ZNF662: variants seen among roughly 807,000 people sequenced by gnomAD.
The protein encoded by ZNF662 is zinc finger protein 662.
Under a neutral mutation model 12.4 loss-of-function variants are expected in ZNF662, and 14 were observed. The ratio of observed to expected loss-of-function variants is 1.13; its 90% confidence interval spans 0.75 to 1.77. The LOEUF (loss-of-function observed/expected upper bound fraction) is 1.77. Ranked by LOEUF, ZNF662 falls within the 40% of genes most tolerant of loss-of-function variation. The pLI is 0.00. For missense variants in ZNF662, 550 were observed against 515.6 expected (o/e 1.07, Z -0.65); for synonymous variants, 184 against 176.4 (o/e 1.04, Z -0.34).
chr3:42,909,320 G>A (rs932684647), intron 3 of ZNF662, among the ~76,000 whole-genome samples: 1 of 152,136 alleles, frequency 6.6e-6, no homozygotes, highest in East Asian at 1.9e-4. Context: ...ATCTTGCACC[G>A]CCCTTAATCC....
intron 3 of ZNF662, among the ~76,000 whole-genome samples, chr3:42,912,320 ATCTC>A (rs530220692): frequency 3.4e-4 from 38 of 112,336 alleles, no homozygotes; most frequent in East Asian, 3.4e-3. Flanking sequence ...TATATAGTCC[ATCTC>A]TCTATTATAT....
rs2088677028 is a variant in ZNF662, at chr3:42,906,288, G to A, written c.-94+120G>A. ...CTGCCCAGGTGCAGAGCGCTCTTCC[G>A]CGACCCCAACAGCCTCTGGTCCGGT... On this transcript the variant is annotated intron_variant, in intron 1 of 4. Coordinates refer to ENST00000440367, the MANE Select transcript of ZNF662 (RefSeq NM_207404.4). This position sits in a 1 kb window ranked among gnomAD's most constrained non-coding sequence, Gnocchi z 4.4. 5 of 1,478,796 alleles carry A rather than the reference G, an allele frequency of 3.4e-6. No homozygotes were observed. The highest frequency in any genetic ancestry group is 4.5e-6 in the Non-Finnish European group (5 of 1,107,280). 91.6% of individuals were successfully genotyped at this position (1,478,796 alleles called of 1,614,324 possible).
rs762800921 is a variant in ZNF662, at chr3:42,913,304, T to A, written c.253+2T>A. 3.1e-6 allele frequency: 5 copies of A among 1,609,326 alleles called. No homozygotes were observed. The highest frequency in any genetic ancestry group is 1.7e-5 in the Admixed American group (1 of 60,002). On this transcript the variant is annotated splice_donor_variant, in intron 4 of 4. Coordinates refer to ENST00000440367, the MANE Select transcript of ZNF662 (RefSeq NM_207404.4). LOFTEE classifies it high-confidence loss of function. The stretch of plus-strand genomic sequence containing the variant: ...AGGGTCCAAGCCTGATTTGTCCGGG[T>A]AAGTGAGAGGGAAATGAGCATTCTT...
rs113168207 is a variant in ZNF662, at chr3:42,918,224, C to G, written c.*2870C>G. ...CAGGAATTTTTGCTCCTTAGTTCAG[C>G]TAAAATCTGGGTTCTTGTCTCATGA... On this transcript the variant is annotated 3_prime_UTR_variant, in exon 5 of 5. Transcript: ENST00000440367. Among the ~76,000 whole-genome samples the G allele has an allele frequency of 5.9e-5, 9 of 152,080 alleles. No individual in the cohort carries two copies. Among genetic ancestry groups the G allele is most frequent in the Admixed American group, 1.3e-4 (2 of 15,234 alleles).
chr3:42,912,808 C>T (rs1328948073), intron 3 of ZNF662, among the ~76,000 whole-genome samples: 11 of 144,160 alleles, frequency 7.6e-5, no homozygotes, highest in Middle Eastern at 3.5e-3. Context: ...GACACAGTCT[C>T]GGCTCACTGC....
Position 42,918,414 on chromosome 3 carries a change from C to A in ZNF662, c.*3060C>A, listed in dbSNP as rs1039432798. Reference sequence around the variant, plus strand: ...CATGAGCTGAAGAGCCTAGTCTTCTCCCCCTGCATGAATTCCTGGTGGCTA... The same window carrying A: ...CATGAGCTGAAGAGCCTAGTCTTCTACCCCTGCATGAATTCCTGGTGGCTA... On this transcript the variant is annotated 3_prime_UTR_variant, in exon 5 of 5. Coordinates refer to ENST00000440367, the MANE Select transcript of ZNF662 (RefSeq NM_207404.4). Among the ~76,000 whole-genome samples, 7 of 152,212 alleles carry A rather than the reference C, an allele frequency of 4.6e-5. No homozygotes were observed. The highest frequency in any genetic ancestry group is 2.0e-4 in the Admixed American group (3 of 15,256).
chr3:42,909,387 G>C (rs995209513), intron 3 of ZNF662, among the ~76,000 whole-genome samples: 3 of 152,096 alleles, frequency 2.0e-5, no homozygotes, highest in African/African-American at 7.2e-5. Context: ...TGGGGGTAAG[G>C]TTATAGATTA....
rs1022947921 is a variant in ZNF662 at position 42,908,532 on chromosome 3, A to G, written c.35-261A>G. The G allele has an allele frequency of 1.5e-5, 20 of 1,297,210 alleles. No homozygotes were observed. In the African/African-American group the frequency reaches 2.7e-4, roughly 17 times the overall value. The allele number at this position is 1,297,210 out of a possible 1,614,324, so 80.4% of individuals were successfully genotyped here. A position where few individuals can be genotyped will look rare whatever the true frequency, so the allele number is the denominator to read the frequency against. The stretch of plus-strand genomic sequence containing the variant: ...AGCTCTAAGAGGGAGAGGACAGGTA[A>G]GAATTGAGGACTCAATTCCTCAATG... On this transcript the variant is annotated intron_variant, in intron 2 of 4. Coordinates refer to ENST00000440367, the MANE Select transcript of ZNF662 (RefSeq NM_207404.4).
At chr3:42,907,336 C>G (rs2088696992) in intron 1 of ZNF662, among the ~76,000 whole-genome samples, 1 of 152,102 alleles carries the variant, frequency 6.6e-6, no homozygotes, top group Non-Finnish European at 1.5e-5. Flanking sequence ...AGGATCTGCC[C>G]TGTTGAGTAC....
rs774947530 is a variant in ZNF662 at position 42,918,436 on chromosome 3, G to T, written c.*3082G>T. On this transcript the variant is annotated 3_prime_UTR_variant, in exon 5 of 5. Transcript: ENST00000440367. ...TCTCCCCCTGCATGAATTCCTGGTG[G>T]CTACACCCCGTTCTCCCAGTGTGCA... is the stretch of plus-strand genomic sequence containing the variant. Among the ~76,000 whole-genome samples, 15 of 152,120 alleles carry T rather than the reference G, an allele frequency of 9.9e-5. No individual in the cohort carries two copies. Among genetic ancestry groups the T allele is most frequent in the Non-Finnish European group, 2.1e-4 (14 of 68,018 alleles).
At chr3:42,912,521 A>ATATATAAATACATATATTTATATATTT (rs2088817749) in intron 3 of ZNF662, among the ~76,000 whole-genome samples, 3 of 97,728 alleles carry the variant, frequency 3.1e-5, no homozygotes, top group African/African-American at 4.2e-5. Context: ...TGTATATTTA[A>ATATATAAATACATATATTTATATATTT]TATATAAATA....
chr3:42,911,533 G>C (rs905351680), intron 3 of ZNF662, among the ~76,000 whole-genome samples: 2 of 152,146 alleles, frequency 1.3e-5, no homozygotes, highest in Non-Finnish European at 2.9e-5. Context: ...ACTCTCTGAC[G>C]TGCAGCTGAC....
chr3:42,911,099 C>G (rs139548517), intron 3 of ZNF662, among the ~76,000 whole-genome samples: 72 of 152,276 alleles, frequency 4.7e-4, no homozygotes, highest in Non-Finnish European at 8.7e-4. Flanking sequence ...CTTCCTTAGG[C>G]TTTAAACATT....
At position 42,915,245 on chromosome 3, in the gene ZNF662, A is replaced by G. The variant is rs1320046610; in HGVS notation, c.1172A>G (p.Asn391Ser). 6.2e-7 allele frequency: 1 copy of G among 1,613,996 alleles called. No homozygotes were observed. The highest frequency in any genetic ancestry group is 8.5e-7 in the Non-Finnish European group (1 of 1,180,010). The part of the protein sequence containing the change: ...IHTGERPYKC[N>S]DCGKAFSQNS... ...ACTGGGGAAAGACCCTATAAATGTA[A>G]TGACTGTGGGAAGGCCTTCAGTCAG... The change falls in exon 5 of 5, where the codon AAT becomes AGT. Residue 391 changes from asparagine (N) to serine (S), a missense_variant. Physicochemically the swap from Asn to Ser is conservative, Grantham distance 46. Transcript: ENST00000440367.
In ZNF662 at chr3:42,917,738, T is replaced by G. The variant is rs2088909113; in HGVS notation, c.*2384T>G. The G allele has an allele frequency of 3.3e-6, 2 of 597,432 alleles. No homozygotes were observed. The highest frequency in any genetic ancestry group is 4.2e-5 in the South Asian group (2 of 47,660). 37.0% of individuals were successfully genotyped at this position (597,432 alleles called of 1,614,324 possible). On this transcript the variant is annotated 3_prime_UTR_variant, in exon 5 of 5. Coordinates refer to ENST00000440367, the MANE Select transcript of ZNF662 (RefSeq NM_207404.4). ...TCTCATACAGCTCCTCAGTGTCACC[T>G]TTTCCTCTTGCTCAGTAGTCTCATA...
At chr3:42,908,494 G>A (rs112181540) in intron 2 of ZNF662, 1 of 1,240,420 alleles carries the variant, frequency 8.1e-7, no homozygotes, top group Non-Finnish European at 1.0e-6. Flanking sequence ...TCATGAGGAT[G>A]TCTGAACTTG....
Position 42,912,751 on chromosome 3 carries a change from A to T in ZNF662, c.152-450A>T, listed in dbSNP as rs867180256. Among the ~76,000 whole-genome samples, 220 of 31,996 alleles carry T rather than the reference A, an allele frequency of 6.9e-3. 3 individuals are homozygous for T. Among genetic ancestry groups the T allele is most frequent in the African/African-American group, 0.017 (193 of 11,606 alleles). 21.0% of individuals were successfully genotyped at this position (31,996 alleles called of 152,430 possible). ...TATATATATAAATATATATATATAT[A>T]TTTTTTGAGACACAGTCTCACTCTG... On this transcript the variant is annotated intron_variant, in intron 3 of 4. Transcript: ENST00000440367.
rs770123895 is a variant in ZNF662, at chr3:42,917,526, CAGAG to C, written c.*2176_*2179del. The C allele has an allele frequency of 2.6e-5, 18 of 702,652 alleles. No individual in the cohort carries two copies. Among genetic ancestry groups the C allele is most frequent in the Non-Finnish European group, 4.2e-5 (16 of 384,918 alleles). 43.5% of individuals were successfully genotyped at this position (702,652 alleles called of 1,614,324 possible). A position where few individuals can be genotyped will look rare whatever the true frequency, so the allele number is the denominator to read the frequency against. On this transcript the variant is annotated 3_prime_UTR_variant, in exon 5 of 5. Coordinates refer to ENST00000440367, the MANE Select transcript of ZNF662 (RefSeq NM_207404.4). Reference sequence around the variant, plus strand: ...AATACCAAAGAAAACAGTGACTAAACAGAGAGAAACTAGGTCCTTGGTGACATCT... The same window carrying C: ...AATACCAAAGAAAACAGTGACTAAACAGAAACTAGGTCCTTGGTGACATCT...
Position 42,915,582 on chromosome 3 carries a change from A to G in ZNF662, c.*228A>G. 2.2e-6 allele frequency: 1 copy of G among 456,370 alleles called. No individual in the cohort carries two copies. The highest frequency in any genetic ancestry group is 3.3e-5 in the East Asian group (1 of 29,894). The allele number at this position is 456,370 out of a possible 1,614,324, so 28.3% of individuals were successfully genotyped here. On this transcript the variant is annotated 3_prime_UTR_variant, in exon 5 of 5. Transcript: ENST00000440367. ...AGCTACTCTGTATCAGGTGCTAACCACTTTACATACATTAATTTGCATAAC... is the reference window on the plus strand; with the variant it reads ...AGCTACTCTGTATCAGGTGCTAACCGCTTTACATACATTAATTTGCATAAC...
Sources: gnomAD v4.1 joint callset for allele counts (sites outside exome capture counted in the v4.1 genomes callset) on GRCh38, gnomAD v4.1.1 for gene constraint, Gnocchi (gnomAD v3.1) non-coding constraint, MANE v1.5 for transcripts, NCBI Gene and HGNC (gene_info 2026-07-23, HGNC 2026-07-21) for gene names.